ZNF81: variants seen among roughly 807,000 people sequenced by gnomAD.
The protein encoded by ZNF81 is zinc finger protein 81 (HFZ20).
ZNF81 carries 5 observed loss-of-function variants against 32.3 expected under a neutral mutation model. That is an observed-to-expected ratio of 0.15 (90% CI 0.08 to 0.33). ZNF81 has a LOEUF of 0.33. Ranked by LOEUF, ZNF81 falls within the 10% of genes least tolerant of loss-of-function variation. The pLI is 1.00. For missense variants in ZNF81, 379 were observed against 479.8 expected (o/e 0.79, Z 1.96); for synonymous variants, 163 against 166.8 (o/e 0.98, Z 0.17).
intron 4 of ZNF81, among the ~76,000 whole-genome samples, chrX:47,904,710 T>TGGG (rs1477615386): frequency 8.9e-6 from 1 of 112,109 alleles, no homozygotes; most frequent in East Asian, 2.8e-4. Flanking sequence ...ATCCCATTAC[T>TGGG]GGGTATATAC....
intron 3 of ZNF81, among the ~76,000 whole-genome samples, chrX:47,890,775 A>G (rs782043594): frequency 8.9e-6 from 1 of 112,171 alleles, no homozygotes; most frequent in South Asian, 3.7e-4. Context: ...GAGGCCCAGT[A>G]AGCATTGTGC....
At chrX:47,894,990 C>T (rs782448801) in intron 3 of ZNF81, among the ~76,000 whole-genome samples, 46 of 111,492 alleles carry the variant, frequency 4.1e-4, no homozygotes, top group African/African-American at 1.2e-3. Context: ...TTTTAGTTGA[C>T]GATGTCGAGA....
At chrX:47,871,421 G>T (rs185270272) in intron 2 of ZNF81, among the ~76,000 whole-genome samples, 2 of 111,630 alleles carry the variant, frequency 1.8e-5, no homozygotes, top group South Asian at 3.7e-4. Context: ...AAGCGTTCAA[G>T]ATTTCCTGAG....
chrX:47,886,620 G>A (rs1255911779), intron 2 of ZNF81, among the ~76,000 whole-genome samples: 2 of 92,659 alleles, frequency 2.2e-5, no homozygotes, highest in Admixed American at 1.3e-4. Flanking sequence ...TTTTTTTTGA[G>A]ACAGGGTCTC....
At chrX:47,855,376 G>A (rs782263914) in intron 2 of ZNF81, among the ~76,000 whole-genome samples, 33 of 110,696 alleles carry the variant, frequency 3.0e-4, no homozygotes, top group Admixed American at 7.7e-4. Flanking sequence ...TGCAGTTTAC[G>A]AGAAACACAA....
chrX:47,876,477 G>A (rs781860930), intron 2 of ZNF81, among the ~76,000 whole-genome samples: 3 of 112,046 alleles, frequency 2.7e-5, no homozygotes, highest in African/African-American at 6.5e-5. Context: ...CTGAACAGCC[G>A]CCTGTAAGCA....
chrX:47,903,791 T>C (rs369773564), intron 4 of ZNF81, among the ~76,000 whole-genome samples: 1 of 102,888 alleles, frequency 9.7e-6, no homozygotes, highest in Non-Finnish European at 2.0e-5. Context: ...GGAGGCATCA[T>C]GCTACCTGAC....
At chrX:47,859,071 A>G (rs2058528858) in intron 2 of ZNF81, among the ~76,000 whole-genome samples, 1 of 109,546 alleles carries the variant, frequency 9.1e-6, no homozygotes, top group Non-Finnish European at 1.9e-5. Context: ...CAGCCTGGGC[A>G]ACAAGAGCCA....
Position 47,865,495 on chromosome X carries a change from A to G in ZNF81, c.54+19174A>G, listed in dbSNP as rs782283780. ...CCTTTGTTAGAGATCCCATTAGGCAAAATCACCAGTTACAAACACTAGTAG... is the reference window on the plus strand; with the variant it reads ...CCTTTGTTAGAGATCCCATTAGGCAGAATCACCAGTTACAAACACTAGTAG... On this transcript the variant is annotated intron_variant, in intron 2 of 4. Transcript: ENST00000338637. Among the ~76,000 whole-genome samples, 8 of 112,164 alleles carry G rather than the reference A, an allele frequency of 7.1e-5. No individual in the cohort carries two copies. The East Asian group carries it at 1.7e-3, about 24-fold the overall frequency.
chrX:47,873,315 G>T (rs1260150039), intron 2 of ZNF81, among the ~76,000 whole-genome samples: 1 of 112,079 alleles, frequency 8.9e-6, no homozygotes, highest in African/African-American at 3.2e-5. Context: ...AGAATAAGTA[G>T]CACCAGTATC....
At chrX:47,879,860 G>C (rs567920067) in intron 2 of ZNF81, among the ~76,000 whole-genome samples, 1 of 112,078 alleles carries the variant, frequency 8.9e-6, no homozygotes, top group Middle Eastern at 4.6e-3. Context: ...AAATCTCCCA[G>C]ATTCTCCTCT....
chrX:47,859,954 G>A (rs959473387), intron 2 of ZNF81, among the ~76,000 whole-genome samples: 1 of 110,617 alleles, frequency 9.0e-6, no homozygotes, highest in Non-Finnish European at 1.9e-5. Flanking sequence ...AAACATCCTC[G>A]AAAAGATGGC....
intron 4 of ZNF81, among the ~76,000 whole-genome samples, chrX:47,904,228 C>G (rs782520237): frequency 4.4e-4 from 49 of 111,189 alleles, no homozygotes; most frequent in African/African-American, 1.5e-3. Context: ...TCTAATTAAA[C>G]TAAAGAGCTT....
At chrX:47,839,596 A>C (rs1556879478) in intron 1 of ZNF81, among the ~76,000 whole-genome samples, 1 of 112,341 alleles carries the variant, frequency 8.9e-6, no homozygotes. Context: ...CTTGGGTCTC[A>C]TTCTGCAAGA....
intron 1 of ZNF81, among the ~76,000 whole-genome samples, chrX:47,840,665 G>T (rs782121208): frequency 5.1e-4 from 56 of 110,369 alleles, no homozygotes; most frequent in African/African-American, 1.8e-3. Context: ...GCGCCACCAT[G>T]CCCGGCTAAT....
chrX:47,915,934 A>G lies in ZNF81; in HGVS notation c.1288A>G (p.Arg430Gly), dbSNP rs1556890710. The change falls in exon 5 of 5, where the codon AGG becomes GGG. Residue 430 changes from arginine to glycine, a missense_variant. Coordinates refer to ENST00000338637, the MANE Select transcript of ZNF81 (RefSeq NM_007137.5). ...AGCCTTTACCCAAAAATCAACACTC[A>G]GGATGCATCAGAGAATTCATACAGG... ...GKAFTQKSTLRMHQRIHTGER... is the reference protein window; with the variant it reads ...GKAFTQKSTLGMHQRIHTGER... 2 of 1,211,097 alleles carry G rather than the reference A, an allele frequency of 1.7e-6. No individual in the cohort carries two copies. Among genetic ancestry groups the G allele is most frequent in the Admixed American group, 4.4e-5 (2 of 45,898 alleles).
chrX:47,861,343 A>G (rs373922647), intron 2 of ZNF81, among the ~76,000 whole-genome samples: 76 of 112,090 alleles, frequency 6.8e-4, no homozygotes, highest in African/African-American at 2.2e-3. Flanking sequence ...GAGTGGAAGG[A>G]AAAACAGTTG....
chrX:47,869,781 C>T (rs374335838), intron 2 of ZNF81, among the ~76,000 whole-genome samples: 116 of 110,970 alleles, frequency 1.0e-3, no homozygotes, highest in African/African-American at 3.4e-3. Context: ...CTGCAACCTC[C>T]GCCTCCTGGG....
intron 2 of ZNF81, among the ~76,000 whole-genome samples, chrX:47,870,104 C>T (rs782276174): frequency 8.9e-6 from 1 of 112,006 alleles, no homozygotes; most frequent in African/African-American, 3.2e-5. Context: ...ATGAAATCTC[C>T]TGGTTGAAAA....
Sources: allele counts gnomAD v4.1 joint callset (sites outside exome capture counted in the v4.1 genomes callset), GRCh38; gene constraint gnomAD v4.1.1; transcripts MANE v1.5; gene names NCBI Gene and HGNC (gene_info 2026-07-23, HGNC 2026-07-21).